Variants in PTPRT observed in about 807,000 individuals in gnomAD.
The protein encoded by PTPRT is protein tyrosine phosphatase receptor type T.
Under a neutral mutation model 176.8 loss-of-function variants are expected in PTPRT, and 56 were observed. The observed-to-expected ratio is 0.32, with a 90% CI of 0.26 to 0.40. The LOEUF (loss-of-function observed/expected upper bound fraction) is 0.40, where lower values mean the gene tolerates loss of function less well. PTPRT is among the 10% of genes least tolerant of loss of function. The probability of loss-of-function intolerance (pLI) is 1.00; values close to 1 mark genes in which losing one functional copy is unlikely to be tolerated. For synonymous variants in PTPRT, 783 were observed against 739.0 expected, an observed-to-expected ratio of 1.06 and a Z score of -0.96; for missense variants, 1,540 against 1,908.2, an observed-to-expected ratio of 0.81 and a Z score of 3.60.
intron 7 of PTPRT, among the ~76,000 whole-genome samples, chr20:42,653,128 C>G (rs542848477): frequency 6.6e-6 from 1 of 152,124 alleles, no homozygotes; most frequent in African/African-American, 2.4e-5. Context: ...ACCATAGAGG[C>G]GGTTACCCCC....
At chr20:42,639,306 T>A (rs2074682797) in intron 7 of PTPRT, among the ~76,000 whole-genome samples, 1 of 152,142 alleles carries the variant, frequency 6.6e-6, no homozygotes, top group Non-Finnish European at 1.5e-5. Context: ...GGGCCTCTGT[T>A]CTGTCTTATC....
At chr20:42,686,283 G>A (rs1460666125) in intron 6 of PTPRT, 1 of 151,992 alleles carries the variant, frequency 6.6e-6, no homozygotes. Flanking sequence ...AAGCCCAGGT[G>A]TTACCACTCC....
chr20:42,881,196 C>T (rs1246757020), intron 2 of PTPRT, among the ~76,000 whole-genome samples: 1 of 152,238 alleles, frequency 6.6e-6, no homozygotes, highest in East Asian at 1.9e-4. Flanking sequence ...AGACATCCTC[C>T]ATTTAACTCT....
intron 28 of PTPRT, 49 bp downstream of exon 28, chr20:42,085,679 C>A (rs1421857782): frequency 4.3e-6 from 7 of 1,609,706 alleles, no homozygotes; most frequent in African/African-American, 1.3e-5. Context: ...CAGCCTCCAT[C>A]TGTCTTGGGG....
At chr20:42,146,810 C>A (rs1988889131) in intron 17 of PTPRT, among the ~76,000 whole-genome samples, 1 of 152,198 alleles carries the variant, frequency 6.6e-6, no homozygotes, top group South Asian at 2.1e-4. Context: ...AATGACTTCA[C>A]CCCAAATGCC....
intron 1 of PTPRT, among the ~76,000 whole-genome samples, chr20:43,127,883 CT>C (rs1466825922): frequency 6.6e-6 from 1 of 152,172 alleles, no homozygotes; most frequent in Non-Finnish European, 1.5e-5. Flanking sequence ...TAACCTCTAC[CT>C]TTCACTTGGT....
At chr20:42,468,020 A>G (rs1233604587) in intron 8 of PTPRT, among the ~76,000 whole-genome samples, 1 of 152,234 alleles carries the variant, frequency 6.6e-6, no homozygotes, top group Non-Finnish European at 1.5e-5. Context: ...TGTCTGAGAC[A>G]TTTGTGGAAA....
At chr20:42,050,839 C>T in the PTPRT span, among the ~76,000 whole-genome samples, 1 of 152,080 alleles carries the variant, frequency 6.6e-6, no homozygotes, top group South Asian at 2.1e-4. Flanking sequence ...TCACTGTGCC[C>T]CTGAGAGGGA....
At chr20:42,087,892 AAAAT>A (rs1984164319) in intron 27 of PTPRT, among the ~76,000 whole-genome samples, 1 of 150,596 alleles carries the variant, frequency 6.6e-6, no homozygotes, top group African/African-American at 2.5e-5. Flanking sequence ...AAAAAAAAAA[AAAAT>A]AGAAGAAGAA....
chr20:42,685,226 G>A (rs945101275), intron 6 of PTPRT, among the ~76,000 whole-genome samples: 4 of 152,186 alleles, frequency 2.6e-5, no homozygotes, highest in Non-Finnish European at 5.9e-5. Flanking sequence ...AATGCTCTCA[G>A]TTTCTGAAGA....
chr20:42,870,714 C>T (rs172302), intron 2 of PTPRT, among the ~76,000 whole-genome samples: 48,480 of 152,044 alleles, frequency 0.32, 8,611 homozygotes, highest in African/African-American at 0.49. Context: ...ATTTCAAGAA[C>T]TGGGATTGCT....
intron 7 of PTPRT, among the ~76,000 whole-genome samples, chr20:42,521,389 G>T (rs962488813): frequency 6.6e-6 from 1 of 152,076 alleles, no homozygotes; most frequent in East Asian, 1.9e-4. Context: ...TTTCTATGTT[G>T]TACACCTAAC....
rs193093620 is a variant in PTPRT at position 42,670,616 on chromosome 20, C to T, written c.1153+7250G>A. Among the ~76,000 whole-genome samples the T allele has an allele frequency of 2.6e-5, 4 of 152,228 alleles. No homozygotes were observed. In the East Asian group the frequency reaches 7.7e-4, roughly 29 times the overall value. On this transcript the variant is annotated intron_variant, in intron 7 of 30. Coordinates refer to ENST00000373187, the MANE Select transcript of PTPRT (RefSeq NM_007050.6). ...TCAGGTGGAGGGAATAGGAAGAGAG[C>T]CCTCCAAATCAACAGCGTATGTGGT...
chr20:42,750,700 G>A (rs866267247), intron 6 of PTPRT, among the ~76,000 whole-genome samples: 14 of 152,190 alleles, frequency 9.2e-5, no homozygotes, highest in South Asian at 2.1e-4. Flanking sequence ...AATCACCACC[G>A]ACAAGAAACT....
intron 7 of PTPRT, among the ~76,000 whole-genome samples, chr20:42,562,690 G>T (rs940332008): frequency 6.6e-6 from 1 of 152,104 alleles, no homozygotes; most frequent in Non-Finnish European, 1.5e-5. Flanking sequence ...ACATTTTGAT[G>T]CCCAGAGGCA....
At chr20:43,157,675 T>A (rs1348955114) in intron 1 of PTPRT, among the ~76,000 whole-genome samples, 1 of 152,178 alleles carries the variant, frequency 6.6e-6, no homozygotes, top group East Asian at 1.9e-4. Flanking sequence ...ATCTCAAAAG[T>A]GTCCTGGTTT....
At chr20:42,287,382 G>A (rs192822916) in intron 12 of PTPRT, among the ~76,000 whole-genome samples, 222 of 152,048 alleles carry the variant, frequency 1.5e-3, no homozygotes, top group Non-Finnish European at 2.1e-3. Context: ...TATACAACAA[G>A]GAGTACTATT....
chr20:43,095,661 CCTTT>C (rs1256727002), intron 1 of PTPRT, among the ~76,000 whole-genome samples: 1 of 147,764 alleles, frequency 6.8e-6, no homozygotes, highest in African/African-American at 2.5e-5. Context: ...ACCTCTCTTC[CCTTT>C]CTCTCTCCCT....
At chr20:42,751,372 G>A (rs897935599) in intron 6 of PTPRT, among the ~76,000 whole-genome samples, 28 of 152,150 alleles carry the variant, frequency 1.8e-4, no homozygotes, top group African/African-American at 6.3e-4. Flanking sequence ...CCCCAGACCC[G>A]GGAATCAGCT....
Sources: allele counts gnomAD v4.1 joint callset (sites outside exome capture counted in the v4.1 genomes callset), GRCh38; gene constraint gnomAD v4.1.1; transcripts MANE v1.5; gene names NCBI Gene and HGNC (gene_info 2026-07-23, HGNC 2026-07-21).